Variants in NRG1 observed in about 807,000 individuals in gnomAD.
NRG1 encodes pro-neuregulin-1, membrane-bound isoform.
Under a neutral mutation model 63.8 loss-of-function variants are expected in NRG1, and 18 were observed. That is an observed-to-expected ratio of 0.28 (90% CI 0.19 to 0.42). NRG1 has a LOEUF of 0.42. NRG1 is among the 10% of genes least tolerant of loss of function. The probability of loss-of-function intolerance (pLI) is 1.00; values close to 1 mark genes in which losing one functional copy is unlikely to be tolerated. For synonymous variants in NRG1, 302 were observed against 301.3 expected (o/e 1.00, Z -0.02); for missense variants, 762 against 814.7 (o/e 0.94, Z 0.79).
chr8:32,280,693 T>G (rs1211544399), intron 1 of NRG1, among the ~76,000 whole-genome samples: 1 of 81,834 alleles, frequency 1.2e-5, no homozygotes, highest in Non-Finnish European at 2.4e-5. Context: ...TTTTTTTTGT[T>G]TTTTTTTTTT....
At chr8:31,895,535 T>C (rs1299346283) in intron 1 of NRG1, among the ~76,000 whole-genome samples, 1 of 152,240 alleles carries the variant, frequency 6.6e-6, no homozygotes, top group Non-Finnish European at 1.5e-5. Flanking sequence ...TTCTCTTATC[T>C]GTGTCTAGGA....
At chr8:32,336,618 G>A (rs1243657141) in intron 1 of NRG1, among the ~76,000 whole-genome samples, 1 of 152,000 alleles carries the variant, frequency 6.6e-6, no homozygotes, top group Non-Finnish European at 1.5e-5. Flanking sequence ...TTTTTTGTTT[G>A]TTTGTTTTTG....
intron 5 of NRG1, among the ~76,000 whole-genome samples, chr8:32,636,837 T>G (rs1262758649): frequency 6.6e-6 from 1 of 152,220 alleles, no homozygotes; most frequent in Non-Finnish European, 1.5e-5. Context: ...GATATAATTT[T>G]GAAATTCATC....
At chr8:32,343,095 A>T (rs932336804) in intron 1 of NRG1, among the ~76,000 whole-genome samples, 2 of 152,192 alleles carry the variant, frequency 1.3e-5, no homozygotes, top group African/African-American at 4.8e-5. Flanking sequence ...CAACCATTTC[A>T]CCTGCATTAT....
At chr8:31,783,613 A>C (rs1004517807) in intron 1 of NRG1, among the ~76,000 whole-genome samples, 13 of 151,102 alleles carry the variant, frequency 8.6e-5, no homozygotes, top group East Asian at 3.9e-4. Context: ...CAAAAAAAAA[A>C]AAAAACAAAA....
At chr8:32,644,400 C>G (rs969104210) in intron 5 of NRG1, among the ~76,000 whole-genome samples, 2 of 152,140 alleles carry the variant, frequency 1.3e-5, no homozygotes, top group Non-Finnish European at 2.9e-5. Flanking sequence ...TTCACACTTT[C>G]CTTTCTTACT....
At chr8:32,434,464 G>A (rs548913181) in intron 1 of NRG1, among the ~76,000 whole-genome samples, 1 of 152,238 alleles carries the variant, frequency 6.6e-6, no homozygotes, top group African/African-American at 2.4e-5. Context: ...TACTTTACAT[G>A]TGACAGACTG....
chr8:31,771,145 T>C (rs1198223501), intron 1 of NRG1, among the ~76,000 whole-genome samples: 1 of 152,182 alleles, frequency 6.6e-6, no homozygotes, highest in Non-Finnish European at 1.5e-5. Flanking sequence ...GCAGTCCCTT[T>C]GTAATCTTGT....
At chr8:31,717,561 C>G (rs576725329) in intron 1 of NRG1, among the ~76,000 whole-genome samples, 1 of 152,164 alleles carries the variant, frequency 6.6e-6, no homozygotes, top group East Asian at 1.9e-4. Flanking sequence ...TCCAGTCTTA[C>G]AAAGTGGGAC....
chr8:31,797,280 T>G (rs80212814), intron 1 of NRG1, among the ~76,000 whole-genome samples: 1,714 of 152,336 alleles, frequency 0.011, 39 homozygotes, highest in African/African-American at 0.039. Flanking sequence ...AGATACTTAC[T>G]CTACTTTTGG....
At chr8:32,264,572 G>A (rs1850717644) in intron 1 of NRG1, among the ~76,000 whole-genome samples, 2 of 152,122 alleles carry the variant, frequency 1.3e-5, no homozygotes, top group Non-Finnish European at 2.9e-5. Context: ...ATAAAAAGAC[G>A]GGAGGGACAT....
intron 1 of NRG1, among the ~76,000 whole-genome samples, chr8:32,444,447 A>G (rs1258372735): frequency 2.6e-5 from 4 of 151,966 alleles, no homozygotes; most frequent in Non-Finnish European, 5.9e-5. Flanking sequence ...GCCCAATACC[A>G]TTTTCTTATG....
At chr8:32,268,828 G>C (rs560429106) in intron 1 of NRG1, among the ~76,000 whole-genome samples, 2 of 152,108 alleles carry the variant, frequency 1.3e-5, no homozygotes, top group Non-Finnish European at 2.9e-5. Context: ...GGTTTGACCA[G>C]CCCTGTGCAA....
intron 5 of NRG1, among the ~76,000 whole-genome samples, chr8:32,631,827 T>G (rs1850367070): frequency 6.6e-6 from 1 of 152,178 alleles, no homozygotes; most frequent in South Asian, 2.1e-4. Context: ...TAATTGGACC[T>G]GATTTACTAC....
intron 6 of NRG1, among the ~76,000 whole-genome samples, chr8:32,733,861 A>G (rs895159765): frequency 6.6e-6 from 1 of 152,230 alleles, no homozygotes; most frequent in African/African-American, 2.4e-5. Flanking sequence ...AAATATAATC[A>G]TCATTTATAG....
chr8:32,216,109 ATAT>A (rs1332784296), intron 1 of NRG1, among the ~76,000 whole-genome samples: 2 of 151,366 alleles, frequency 1.3e-5, no homozygotes, highest in East Asian at 3.9e-4. Context: ...CATTATCTAG[ATAT>A]TATACTATAT....
chr8:32,088,014 C>G (rs901413837), intron 1 of NRG1, among the ~76,000 whole-genome samples: 1 of 152,190 alleles, frequency 6.6e-6, no homozygotes, highest in Non-Finnish European at 1.5e-5. Flanking sequence ...TCCCACCCTG[C>G]TCTCCAAGGT....
intron 1 of NRG1, among the ~76,000 whole-genome samples, chr8:32,054,511 G>A (rs967125654): frequency 3.3e-5 from 5 of 152,184 alleles, no homozygotes; most frequent in African/African-American, 9.6e-5. Flanking sequence ...ACCCAAATGC[G>A]TATGTTAATC....
chr8:32,012,998 A>AT (rs1328421696), intron 1 of NRG1, among the ~76,000 whole-genome samples: 2 of 152,080 alleles, frequency 1.3e-5, no homozygotes, highest in Non-Finnish European at 2.9e-5. Flanking sequence ...AGATGAAACC[A>AT]TTTTTTAACA....
Sources: allele counts gnomAD v4.1 joint callset (sites outside exome capture counted in the v4.1 genomes callset), GRCh38; gene constraint gnomAD v4.1.1; transcripts MANE v1.5; gene names NCBI Gene and HGNC (gene_info 2026-07-23, HGNC 2026-07-21).